RIC1: variants seen among roughly 807,000 people sequenced by gnomAD.
RIC1 encodes RIC1 partner of RAB6A GEF complex, also known as guanine nucleotide exchange factor subunit RIC1.
A neutral mutation model predicts 169.0 loss-of-function variants in RIC1; 88 were observed. That is an observed-to-expected ratio of 0.52 (90% CI 0.44 to 0.62). The LOEUF (loss-of-function observed/expected upper bound fraction) is 0.62, where lower values mean the gene tolerates loss of function less well. Among genes scored for constraint, RIC1 ranks in the 20% least tolerant of loss-of-function variants. The probability of loss-of-function intolerance (pLI) is 0.00; values close to 1 mark genes in which losing one functional copy is unlikely to be tolerated. For synonymous variants in RIC1, 790 were observed against 601.5 expected, an observed-to-expected ratio of 1.31 and a Z score of -4.59; for missense variants, 1,877 against 1,725.5, an observed-to-expected ratio of 1.09 and a Z score of -1.56.
intron 3 of RIC1, among the ~76,000 whole-genome samples, chr9:5,706,699 G>C (rs1010092559): frequency 6.6e-6 from 1 of 152,012 alleles, no homozygotes; most frequent in East Asian, 1.9e-4. Context: ...CTAGGAATTT[G>C]TCCATTTAAC....
chr9:5,684,524 A>AT (rs1186548707), intron 2 of RIC1, among the ~76,000 whole-genome samples: 1 of 151,642 alleles, frequency 6.6e-6, no homozygotes, highest in Non-Finnish European at 1.5e-5. Flanking sequence ...AATGTTACTG[A>AT]TTTTTTTCAT....
At chr9:5,679,231 T>C (rs554857001) in intron 2 of RIC1, among the ~76,000 whole-genome samples, 2 of 152,354 alleles carry the variant, frequency 1.3e-5, no homozygotes, top group African/African-American at 2.4e-5. Context: ...AGTACTGTTT[T>C]GGTTACTATA....
chr9:5,662,305 T>C (rs1420188514), intron 2 of RIC1, among the ~76,000 whole-genome samples: 1 of 152,184 alleles, frequency 6.6e-6, no homozygotes, highest in African/African-American at 2.4e-5. Context: ...TTTTGTTTTG[T>C]CTCTGCCAGG....
chr9:5,701,614 T>A (rs1270044976), intron 3 of RIC1, among the ~76,000 whole-genome samples: 1 of 151,798 alleles, frequency 6.6e-6, no homozygotes, highest in Non-Finnish European at 1.5e-5. Context: ...AAAAGAAAAG[T>A]TCAGTTACAT....
At chr9:5,652,401 T>A (rs1016711419) in intron 1 of RIC1, among the ~76,000 whole-genome samples, 1 of 152,252 alleles carries the variant, frequency 6.6e-6, no homozygotes, top group African/African-American at 2.4e-5. Flanking sequence ...TTCATAGTTT[T>A]CATTGTAGTG....
intron 7 of RIC1, among the ~76,000 whole-genome samples, chr9:5,732,901 A>G (rs1297819142): frequency 6.6e-6 from 1 of 152,170 alleles, no homozygotes; most frequent in South Asian, 2.1e-4. Context: ...ATATAAAACC[A>G]GTTTCTTGCC....
intron 12 of RIC1, among the ~76,000 whole-genome samples, chr9:5,747,768 G>A (rs1376883163): frequency 6.7e-6 from 1 of 150,124 alleles, no homozygotes; most frequent in East Asian, 2.0e-4. Flanking sequence ...CCTTCTCATT[G>A]AGAACTATTT....
At chr9:5,732,242 G>A (rs1824413973) in intron 6 of RIC1, 146 bp from the exon 7 acceptor site, 1 of 618,034 alleles carries the variant, frequency 1.6e-6, no homozygotes, top group Non-Finnish European at 2.8e-6. Context: ...GGAGACTATT[G>A]TGGTAGTCCT....
Position 5,775,537 on chromosome 9 carries a change from A to G in RIC1, c.*1291A>G, listed in dbSNP as rs957493328. The G allele has an allele frequency of 1.3e-5, 2 of 152,184 alleles. No individual in the cohort carries two copies. The highest frequency in any genetic ancestry group is 2.4e-5 in the African/African-American group (1 of 41,454). 9.4% of individuals were successfully genotyped at this position (152,184 alleles called of 1,614,324 possible). ...TTGTTTATTTTTATAATAACGATGTATTTGATGTGGACCAAATTCGTACCA... is the reference window on the plus strand; with the variant it reads ...TTGTTTATTTTTATAATAACGATGTGTTTGATGTGGACCAAATTCGTACCA... On this transcript the variant is annotated 3_prime_UTR_variant, in exon 26 of 26. Transcript: ENST00000414202.
At chr9:5,741,051 G>C (rs1468184368) in intron 8 of RIC1, among the ~76,000 whole-genome samples, 1 of 152,120 alleles carries the variant, frequency 6.6e-6, no homozygotes, top group Non-Finnish European at 1.5e-5. Context: ...TCTACTTTGG[G>C]AGAGTCTGAA....
At chr9:5,743,839 C>T (rs1825221077) in intron 10 of RIC1, 102 bp downstream of exon 10, 3 of 835,410 alleles carry the variant, frequency 3.6e-6, no homozygotes, top group African/African-American at 1.7e-5. Flanking sequence ...GAGACAGGGT[C>T]TTACACTGTC....
In RIC1 at chr9:5,742,798, G is replaced by GGA. The variant is rs374540954; in HGVS notation, c.902-71_902-70insGA. The GGA allele has an allele frequency of 3.9e-6, 4 of 1,023,580 alleles. No homozygotes were observed. In the African/African-American group the frequency reaches 5.4e-5, roughly 14 times the overall value. The allele number at this position is 1,023,580 out of a possible 1,614,324, so 63.4% of individuals were successfully genotyped here. A position where few individuals can be genotyped will look rare whatever the true frequency, so the allele number is the denominator to read the frequency against. ...AGATTTGAAAATACAGATTGTATTT[G>GGA]AAAAAAAAAAAAAAACAAGTATTTC... On this transcript the variant is annotated intron_variant, in intron 8 of 25. Coordinates refer to ENST00000414202, the MANE Select transcript of RIC1 (RefSeq NM_020829.4).
At chr9:5,731,058 C>T (rs1824343966) in intron 6 of RIC1, among the ~76,000 whole-genome samples, 1 of 152,092 alleles carries the variant, frequency 6.6e-6, no homozygotes, top group Admixed American at 6.6e-5. Flanking sequence ...ATATTACATC[C>T]TTCCCCTGTA....
In RIC1 at chr9:5,648,003, G is replaced by A. The variant is rs529355875; in HGVS notation, c.145-8580G>A. On this transcript the variant is annotated intron_variant, in intron 1 of 25. Transcript: ENST00000414202. ...TGGTGGTGGTGGTGGTAGTGGTAGT[G>A]GTTTTTTCTTGCTCTGTTGCCCAGG... Among the ~76,000 whole-genome samples, 7 of 150,548 alleles carry A rather than the reference G, an allele frequency of 4.6e-5. 1 individual carries two copies. The highest frequency in any genetic ancestry group is 6.8e-3 in the Middle Eastern group (2 of 292).
intron 1 of RIC1, among the ~76,000 whole-genome samples, chr9:5,655,267 G>A (rs1323124680): frequency 2.0e-5 from 3 of 151,994 alleles, no homozygotes; most frequent in Admixed American, 6.6e-5. Context: ...TCATGAATGA[G>A]TGTTGTTCTG....
intron 1 of RIC1, among the ~76,000 whole-genome samples, chr9:5,646,530 G>A (rs1266388360): frequency 1.3e-5 from 2 of 152,056 alleles, no homozygotes; most frequent in African/African-American, 2.4e-5. Flanking sequence ...TACCATTATG[G>A]CACAATTGCT....
intron 2 of RIC1, among the ~76,000 whole-genome samples, chr9:5,681,042 G>T (rs898367209): frequency 1.9e-4 from 29 of 151,180 alleles, no homozygotes; most frequent in African/African-American, 6.3e-4. Context: ...TAGCCAGGAT[G>T]GTCTCGATCT....
intron 4 of RIC1, among the ~76,000 whole-genome samples, chr9:5,717,177 G>T (rs1364373141): frequency 1.3e-5 from 2 of 151,870 alleles, no homozygotes; most frequent in African/African-American, 4.8e-5. Context: ...CACACATCTG[G>T]CCAGTCATTT....
intron 1 of RIC1, among the ~76,000 whole-genome samples, chr9:5,646,180 C>T (rs1189010764): frequency 1.3e-5 from 2 of 152,004 alleles, no homozygotes; most frequent in Admixed American, 6.6e-5. Flanking sequence ...TTATTAATGT[C>T]GAGCATCTTT....
Sources: allele counts gnomAD v4.1 joint callset (sites outside exome capture counted in the v4.1 genomes callset), GRCh38; gene constraint gnomAD v4.1.1; transcripts MANE v1.5; gene names NCBI Gene and HGNC (gene_info 2026-07-23, HGNC 2026-07-21).